Variants in CGNL1 observed in about 807,000 individuals in gnomAD.
CGNL1 encodes the protein cingulin like 1.
A neutral mutation model predicts 141.2 loss-of-function variants in CGNL1; 132 were observed. The ratio of observed to expected loss-of-function variants is 0.93; its 90% CI spans 0.81 to 1.08. CGNL1 has a LOEUF of 1.08. CGNL1 is among the 50% of genes least tolerant of loss of function. The probability of loss-of-function intolerance (pLI) is 0.00; values close to 1 mark genes in which losing one functional copy is unlikely to be tolerated. For synonymous variants in CGNL1, 690 were observed against 622.1 expected (o/e 1.11, Z -1.63); for missense variants, 1,870 against 1,588.6 (o/e 1.18, Z -3.01).
At chr15:57,475,132 C>T (rs1384034568) in intron 8 of CGNL1, among the ~76,000 whole-genome samples, 3 of 152,120 alleles carry the variant, frequency 2.0e-5, no homozygotes, top group African/African-American at 4.8e-5. Context: ...ACTGTGTTGC[C>T]CCCTTCTGAC....
intron 1 of CGNL1, among the ~76,000 whole-genome samples, chr15:57,418,245 A>G (rs1315901485): frequency 6.6e-6 from 1 of 152,200 alleles, no homozygotes; most frequent in Non-Finnish European, 1.5e-5. Flanking sequence ...ATAACACCCC[A>G]GTCCATATTT....
chr15:57,436,114 A>G (rs1157087273), intron 1 of CGNL1, among the ~76,000 whole-genome samples: 1 of 152,226 alleles, frequency 6.6e-6, no homozygotes, highest in East Asian at 1.9e-4. Flanking sequence ...TCTAGAAAAT[A>G]GTAATAGAAA....
intron 1 of CGNL1, among the ~76,000 whole-genome samples, chr15:57,429,550 T>C (rs1368226447): frequency 1.3e-5 from 2 of 152,252 alleles, no homozygotes; most frequent in Admixed American, 1.3e-4. Context: ...GTTTTCTATG[T>C]ACATGACAGT....
At chr15:57,417,519 C>T (rs2062862036) in intron 1 of CGNL1, among the ~76,000 whole-genome samples, 1 of 152,166 alleles carries the variant, frequency 6.6e-6, no homozygotes, top group Non-Finnish European at 1.5e-5. Flanking sequence ...TAGGCATGAG[C>T]CACTGCACCC....
At chr15:57,386,205 G>T (rs550237291) in intron 1 of CGNL1, among the ~76,000 whole-genome samples, 4 of 152,344 alleles carry the variant, frequency 2.6e-5, no homozygotes, top group African/African-American at 9.6e-5. Flanking sequence ...AGCCTGTGGG[G>T]TGGTTAAACC....
chr15:57,399,233 A>G (rs1412207245), intron 1 of CGNL1, among the ~76,000 whole-genome samples: 5 of 152,182 alleles, frequency 3.3e-5, no homozygotes, highest in African/African-American at 4.8e-5. Flanking sequence ...TAGCTATCTG[A>G]AAATGTACAA....
chr15:57,495,517 C>T (rs1455011455), intron 8 of CGNL1, among the ~76,000 whole-genome samples: 5 of 152,142 alleles, frequency 3.3e-5, no homozygotes, highest in Non-Finnish European at 5.9e-5. Flanking sequence ...TCAAAAACAG[C>T]CTTTGTTTGC....
chr15:57,502,130 T>C (rs35201216), intron 8 of CGNL1, among the ~76,000 whole-genome samples: 1 of 152,052 alleles, frequency 6.6e-6, no homozygotes, highest in Non-Finnish European at 1.5e-5. Flanking sequence ...AACCTGCCAG[T>C]GAGTGAGGAA....
At chr15:57,514,418 C>T (rs1466876236) in intron 8 of CGNL1, among the ~76,000 whole-genome samples, 1 of 152,150 alleles carries the variant, frequency 6.6e-6, no homozygotes, top group Non-Finnish European at 1.5e-5. Context: ...TCTTAAAGTG[C>T]AGAGACTATG....
chr15:57,535,103 A>G (rs2032185887), intron 14 of CGNL1, among the ~76,000 whole-genome samples: 2 of 152,194 alleles, frequency 1.3e-5, no homozygotes, highest in Non-Finnish European at 2.9e-5. Flanking sequence ...GTAATGGATG[A>G]GAGATTTGAG....
chr15:57,378,644 A>G (rs2062393431), intron 1 of CGNL1, among the ~76,000 whole-genome samples: 1 of 151,918 alleles, frequency 6.6e-6, no homozygotes, highest in East Asian at 1.9e-4. Context: ...CGGCCTCTCA[A>G]AGTGCTGGGA....
intron 8 of CGNL1, among the ~76,000 whole-genome samples, chr15:57,467,686 CTTT>C (rs140789370): frequency 5.6e-5 from 6 of 107,404 alleles, no homozygotes; most frequent in Non-Finnish European, 5.5e-5. Context: ...GAGTCTCTGT[CTTT>C]TTTTTTTTTT....
intron 1 of CGNL1, among the ~76,000 whole-genome samples, chr15:57,399,081 T>A (rs566817093): frequency 3.3e-5 from 5 of 152,174 alleles, no homozygotes; most frequent in Non-Finnish European, 5.9e-5. Context: ...AATTATGATA[T>A]ATATAAAGTG....
At chr15:57,467,223 A>C (rs1179745511) in intron 8 of CGNL1, among the ~76,000 whole-genome samples, 2 of 152,200 alleles carry the variant, frequency 1.3e-5, no homozygotes, top group African/African-American at 4.8e-5. Context: ...ATTATAGACA[A>C]GAGTAAATGA....
Position 57,546,126 on chromosome 15 carries a change from G to A in CGNL1, c.3660G>A (p.Glu1220=). 1.2e-6 allele frequency: 2 copies of A among 1,614,032 alleles called. No individual in the cohort carries two copies. Among genetic ancestry groups the A allele is most frequent in the Non-Finnish European group, 8.5e-7 (1 of 1,179,996 alleles). The stretch of plus-strand genomic sequence containing the variant: ...AGCGGCAGGTGGAGGAGGCTGAGGA[G>A]GAAATCGACAGACTGGAAAGTTCTA... ...AMKRQVEEAE[E]EIDRLESSKK... The change falls in exon 18 of 19, where the codon GAG becomes GAA. Residue 1220 remains glutamate (E), a synonymous_variant. Transcript: ENST00000281282.
chr15:57,429,456 C>CTTAG (rs2152294085), intron 1 of CGNL1, among the ~76,000 whole-genome samples: 1 of 152,288 alleles, frequency 6.6e-6, no homozygotes, highest in Non-Finnish European at 1.5e-5. Context: ...ACGATAATAA[C>CTTAG]CCTTTATTGA....
In CGNL1 at chr15:57,514,960, A is replaced by G. The variant is rs140488638; in HGVS notation, c.2404-1820A>G. 8.1e-4 allele frequency among the ~76,000 whole-genome samples: 123 copies of G among 152,214 alleles called. 1 individual carries two copies. Among genetic ancestry groups the G allele is most frequent in the African/African-American group, 2.7e-3 (112 of 41,522 alleles). ...TCCCAATTCTGTTTCATTGATTTAT[A>G]TGCCTTCCCTCATGCCAGTACTGCC... is the stretch of plus-strand genomic sequence containing the variant. On this transcript the variant is annotated intron_variant, in intron 8 of 18. Transcript: ENST00000281282.
chr15:57,380,182 C>T (rs901312003), intron 1 of CGNL1, among the ~76,000 whole-genome samples: 8 of 152,266 alleles, frequency 5.3e-5, no homozygotes, highest in African/African-American at 1.7e-4. Flanking sequence ...TACAGGCATG[C>T]GCCACCATAC....
intron 12 of CGNL1, among the ~76,000 whole-genome samples, chr15:57,525,316 T>G (rs751329027): frequency 6.6e-6 from 1 of 152,246 alleles, no homozygotes; most frequent in Non-Finnish European, 1.5e-5. Context: ...CCCTTCAGGC[T>G]TGGCCTCTCA....
Sources: allele counts gnomAD v4.1 joint callset (sites outside exome capture counted in the v4.1 genomes callset), GRCh38; gene constraint gnomAD v4.1.1; transcripts MANE v1.5; gene names NCBI Gene and HGNC (gene_info 2026-07-23, HGNC 2026-07-21).